Variants in CCDC60 observed in about 807,000 individuals in gnomAD.
The protein encoded by CCDC60 is coiled-coil domain-containing protein 60.
In CCDC60, 54 loss-of-function variants were observed where a neutral mutation model predicts 63.5. The ratio of observed to expected loss-of-function variants is 0.85; its 90% CI spans 0.68 to 1.07. CCDC60 has a LOEUF of 1.07. Among genes scored for constraint, CCDC60 ranks in the 50% least tolerant of loss-of-function variants. The pLI is 0.00. For missense variants in CCDC60, 651 were observed against 684.3 expected (o/e 0.95, Z 0.54); for synonymous variants, 206 against 238.8 (o/e 0.86, Z 1.27).
At chr12:119,538,129 AT>A (rs1176965944) in intron 13 of CCDC60, among the ~76,000 whole-genome samples, 1 of 152,170 alleles carries the variant, frequency 6.6e-6, no homozygotes, top group African/African-American at 2.4e-5. Flanking sequence ...GCAATGGCGG[AT>A]GCCCCTCCCC....
At chr12:119,339,771 A>C (rs1475067698) in intron 1 of CCDC60, among the ~76,000 whole-genome samples, 1 of 152,168 alleles carries the variant, frequency 6.6e-6, no homozygotes, top group Non-Finnish European at 1.5e-5. Flanking sequence ...TTGTGCCACT[A>C]TACTCCAGCC....
At chr12:119,404,900 A>G (rs1025976898) in intron 1 of CCDC60, among the ~76,000 whole-genome samples, 3 of 152,174 alleles carry the variant, frequency 2.0e-5, no homozygotes, top group Non-Finnish European at 4.4e-5. Context: ...TCTGCAAACA[A>G]AAATGCTCCC....
At chr12:119,468,681 T>C (rs963963013) in intron 2 of CCDC60, among the ~76,000 whole-genome samples, 1 of 39,564 alleles carries the variant, frequency 2.5e-5, no homozygotes, top group East Asian at 2.6e-3. Context: ...AACTAAACAA[T>C]GAAAAGAATT....
intron 1 of CCDC60, among the ~76,000 whole-genome samples, chr12:119,346,030 G>A (rs1592979158): frequency 8.0e-6 from 1 of 125,326 alleles, no homozygotes; most frequent in African/African-American, 3.1e-5. Flanking sequence ...TTGCCATATT[G>A]CCCGGGCTGA....
chr12:119,523,510 C>G (rs1046093174), intron 10 of CCDC60, among the ~76,000 whole-genome samples, 183 bp from the exon 11 acceptor site: 20 of 152,214 alleles, frequency 1.3e-4, no homozygotes, highest in Non-Finnish European at 2.4e-4. Flanking sequence ...TTGGGAAGAT[C>G]TGTCCTTTCT....
intron 1 of CCDC60, among the ~76,000 whole-genome samples, chr12:119,426,419 G>A (rs188496231): frequency 5.3e-5 from 8 of 151,890 alleles, no homozygotes; most frequent in South Asian, 2.1e-4. Context: ...GCAGTGGCGC[G>A]ATCTCAGGTG....
chr12:119,427,726 T>A (rs1453226469), intron 1 of CCDC60, among the ~76,000 whole-genome samples: 1 of 152,084 alleles, frequency 6.6e-6, no homozygotes, highest in Admixed American at 6.5e-5. Flanking sequence ...AGTATTTTTT[T>A]ATTTAAAAAA....
intron 1 of CCDC60, among the ~76,000 whole-genome samples, chr12:119,369,015 GAAGAATTGTGGAAAGAT>G (rs1402679034): frequency 6.6e-6 from 1 of 152,180 alleles, no homozygotes; most frequent in Non-Finnish European, 1.5e-5. Context: ...GGTGACAGAG[GAAGAATTGTGGAAAGAT>G]AAGAGTCTCA....
chr12:119,448,403 G>A (rs1400246820), intron 2 of CCDC60, among the ~76,000 whole-genome samples: 1 of 152,138 alleles, frequency 6.6e-6, no homozygotes, highest in East Asian at 1.9e-4. Context: ...GCTTCAATCC[G>A]TGAGCCTCAG....
intron 4 of CCDC60, 27 bp from the exon 5 acceptor site, chr12:119,488,732 C>T: frequency 6.3e-7 from 1 of 1,598,882 alleles, no homozygotes. Context: ...CAGGATCCCA[C>T]TGTGTTCCCT....
At chr12:119,450,369 A>T (rs1950608298) in intron 2 of CCDC60, among the ~76,000 whole-genome samples, 1 of 152,156 alleles carries the variant, frequency 6.6e-6, no homozygotes, top group South Asian at 2.1e-4. Flanking sequence ...TATGCAATAC[A>T]CCCATGTAAC....
At chr12:119,349,602 G>T (rs1955634108) in intron 1 of CCDC60, among the ~76,000 whole-genome samples, 1 of 151,334 alleles carries the variant, frequency 6.6e-6, no homozygotes. Flanking sequence ...GCCTCCCAAA[G>T]TGCTTGGATT....
chr12:119,443,134 CT>C (rs1028666913), intron 2 of CCDC60, among the ~76,000 whole-genome samples: 8 of 152,214 alleles, frequency 5.3e-5, no homozygotes, highest in African/African-American at 1.9e-4. Context: ...TATTTAAAGT[CT>C]TTGTCCTACT....
intron 5 of CCDC60, among the ~76,000 whole-genome samples, chr12:119,494,276 C>G (rs1951667099): frequency 6.6e-6 from 1 of 152,160 alleles, no homozygotes; most frequent in Non-Finnish European, 1.5e-5. Context: ...TCCCTAGTTA[C>G]AGTGGAGAAG....
intron 4 of CCDC60, among the ~76,000 whole-genome samples, chr12:119,482,555 C>T (rs1246209751): frequency 6.6e-6 from 1 of 152,130 alleles, no homozygotes; most frequent in Admixed American, 6.6e-5. Flanking sequence ...AGTGGCAGGC[C>T]CACAGGCTGT....
chr12:119,529,015 G>A (rs1952766496), intron 12 of CCDC60, among the ~76,000 whole-genome samples: 1 of 152,044 alleles, frequency 6.6e-6, no homozygotes, highest in African/African-American at 2.4e-5. Flanking sequence ...TTGCAAATAA[G>A]GACAACCTTG....
chr12:119,341,333 C>T (rs1318472853), intron 1 of CCDC60, among the ~76,000 whole-genome samples: 1 of 144,202 alleles, frequency 6.9e-6, no homozygotes, highest in African/African-American at 2.5e-5. Context: ...AAGGAGGCAG[C>T]TGCTCTGCAG....
rs574916478 is a variant in CCDC60 at position 119,444,037 on chromosome 12, G to T, written c.170+15275G>T. On this transcript the variant is annotated intron_variant, in intron 2 of 13. Transcript: ENST00000327554. ...TGCTTAACTATGCCATCAGGACTCT[G>T]TCCACTCTGCAGGTGAGATTTTCTT... 1.8e-4 allele frequency among the ~76,000 whole-genome samples: 28 copies of T among 152,300 alleles called. 1 individual carries two copies. The South Asian group carries it at 5.8e-3, about 32-fold the overall frequency.
intron 1 of CCDC60, among the ~76,000 whole-genome samples, chr12:119,409,958 T>C (rs1956563469): frequency 6.6e-6 from 1 of 152,100 alleles, no homozygotes; most frequent in Non-Finnish European, 1.5e-5. Context: ...TTCTCAGAGC[T>C]CCAATCCATG....
Sources: gnomAD v4.1 joint callset for allele counts (sites outside exome capture counted in the v4.1 genomes callset) on GRCh38, gnomAD v4.1.1 for gene constraint, MANE v1.5 for transcripts, NCBI Gene and HGNC (gene_info 2026-07-23, HGNC 2026-07-21) for gene names.